MBNL1: variants seen among roughly 807,000 people sequenced by gnomAD.
MBNL1 encodes the protein muscleblind like splicing regulator 1.
A neutral mutation model predicts 42.2 loss-of-function variants in MBNL1; 8 were observed. The ratio of observed to expected loss-of-function variants is 0.19; its 90% CI spans 0.11 to 0.34. MBNL1 has a LOEUF of 0.34. Ranked by LOEUF, MBNL1 falls within the 10% of genes least tolerant of loss-of-function variation. The probability of loss-of-function intolerance (pLI) is 1.00; values close to 1 mark genes in which losing one functional copy is unlikely to be tolerated. For synonymous variants in MBNL1, 169 were observed against 173.9 expected, an observed-to-expected ratio of 0.97 and a Z score of 0.22; for missense variants, 309 against 495.3, an observed-to-expected ratio of 0.62 and a Z score of 3.57.
intron 4 of MBNL1, among the ~76,000 whole-genome samples, chr3:152,442,063 G>T (rs1197934180): frequency 1.3e-5 from 2 of 152,094 alleles, no homozygotes; most frequent in African/African-American, 2.4e-5. Context: ...AAAGTACTGG[G>T]ATTACCAGCT....
chr3:152,453,094 A>G (rs976004913), intron 6 of MBNL1, among the ~76,000 whole-genome samples: 6 of 151,946 alleles, frequency 3.9e-5, no homozygotes, highest in African/African-American at 1.2e-4. Context: ...TTGGATACCA[A>G]TTTTGAGAAT....
intron 2 of MBNL1, among the ~76,000 whole-genome samples, chr3:152,351,176 A>G (rs1302695672): frequency 6.6e-6 from 1 of 152,216 alleles, no homozygotes; most frequent in African/African-American, 2.4e-5. Context: ...TAGAAGTTGT[A>G]ACTATAATTC....
intron 1 of MBNL1, among the ~76,000 whole-genome samples, chr3:152,297,325 C>A: frequency 1.1e-5 from 1 of 92,776 alleles, no homozygotes; most frequent in Non-Finnish European, 2.2e-5. Flanking sequence ...CAAAATATTT[C>A]TTGAACACTG....
At chr3:152,443,910 T>G (rs898303134) in intron 4 of MBNL1, among the ~76,000 whole-genome samples, 11 of 152,152 alleles carry the variant, frequency 7.2e-5, no homozygotes, top group African/African-American at 2.7e-4. Context: ...TGCTCTTTTT[T>G]AAGATGTAGC....
rs2060115878 is a variant in MBNL1, at chr3:152,300,127, GCT to G, written c.-64_-63del. The G allele has an allele frequency of 2.0e-6, 2 of 993,860 alleles. No individual in the cohort carries two copies. The highest frequency in any genetic ancestry group is 2.9e-6 in the Non-Finnish European group (2 of 688,196). 61.6% of individuals were successfully genotyped at this position (993,860 alleles called of 1,614,324 possible). On this transcript the variant is annotated 5_prime_UTR_variant, in exon 2 of 10. Coordinates refer to ENST00000324210, the MANE Select transcript of MBNL1 (RefSeq NM_021038.5). ...GTTCAGCTTTTTTTTTTTGGTTGTT[GCT>G]CTTTTTTGGGGGGGTTGGGTTTGTT...
At chr3:152,343,850 A>G (rs1463282440) in intron 2 of MBNL1, among the ~76,000 whole-genome samples, 1 of 152,190 alleles carries the variant, frequency 6.6e-6, no homozygotes, top group Non-Finnish European at 1.5e-5. Flanking sequence ...ATACAGTGAA[A>G]AATAATATTT....
intron 2 of MBNL1, chr3:152,340,827 C>T (rs1460075588): frequency 1.2e-6 from 2 of 1,613,922 alleles, no homozygotes; most frequent in East Asian, 2.2e-5. Context: ...AACCACTGAT[C>T]CCACCTAAAG....
rs1748513067 is a variant in MBNL1 at position 152,463,327 on chromosome 3, TATAAC to T, written c.*964_*968del. The T allele has an allele frequency of 6.6e-6, 1 of 152,284 alleles. No homozygotes were observed. The highest frequency in any genetic ancestry group is 1.5e-5 in the Non-Finnish European group (1 of 67,894). 9.4% of individuals were successfully genotyped at this position (152,284 alleles called of 1,614,324 possible). A position where few individuals can be genotyped will look rare whatever the true frequency, so the allele number is the denominator to read the frequency against. On this transcript the variant is annotated 3_prime_UTR_variant, in exon 10 of 10. Transcript: ENST00000324210. ...TGTAATATTTATGCATACTATACTG[TATAAC>T]ATGTTATTCAAAAGGGATTGCCATT...
At chr3:152,355,502 C>T (rs1001531124) in intron 2 of MBNL1, among the ~76,000 whole-genome samples, 1 of 151,954 alleles carries the variant, frequency 6.6e-6, no homozygotes, top group African/African-American at 2.4e-5. Flanking sequence ...ATTTGGTAAT[C>T]CTGGAAATTG....
chr3:152,268,635 G>T, upstream of MBNL1: 1 of 410,776 alleles, frequency 2.4e-6, no homozygotes, highest in Non-Finnish European at 4.8e-6. Context: ...AGGCCGAGGG[G>T]ATCCACGGCG....
chr3:152,302,704 G>C (rs1430252181), intron 2 of MBNL1, among the ~76,000 whole-genome samples: 1 of 152,168 alleles, frequency 6.6e-6, no homozygotes, highest in African/African-American at 2.4e-5. Context: ...TTAACCGCTA[G>C]ATCATTTGCA....
In MBNL1 at chr3:152,299,822, C is replaced by T. The variant is rs138492087; in HGVS notation, c.-372C>T. The T allele has an allele frequency of 1.2e-5, 5 of 403,072 alleles. No homozygotes were observed. The highest frequency in any genetic ancestry group is 1.2e-4 in the South Asian group (1 of 8,448). 25.0% of individuals were successfully genotyped at this position (403,072 alleles called of 1,614,324 possible). On this transcript the variant is annotated 5_prime_UTR_variant, in exon 2 of 10. Transcript: ENST00000324210. ...TGAAAGCAGCTTGGAAATTCGGTGTCGAAGGGTCTGCCACGTTTTCATGCT... is the reference window on the plus strand; with the variant it reads ...TGAAAGCAGCTTGGAAATTCGGTGTTGAAGGGTCTGCCACGTTTTCATGCT...
chr3:152,264,512 A>G (rs1038124315), upstream of MBNL1: 3 of 150,564 alleles, frequency 2.0e-5, no homozygotes, highest in African/African-American at 7.3e-5. Context: ...GTCTTTAAGA[A>G]AAAAAAAAAG....
intron 2 of MBNL1, among the ~76,000 whole-genome samples, chr3:152,249,916 A>G (rs960474359): frequency 4.7e-5 from 7 of 148,560 alleles, no homozygotes; most frequent in Admixed American, 2.7e-4. Context: ...TTTGTCAAAG[A>G]TCAGATAGTT....
intron 2 of MBNL1, among the ~76,000 whole-genome samples, chr3:152,253,121 C>G (rs758540900): frequency 4.4e-4 from 67 of 152,110 alleles, no homozygotes; most frequent in Admixed American, 1.8e-3. Context: ...ATACTCCACA[C>G]AGATTATTAA....
intron 2 of MBNL1, among the ~76,000 whole-genome samples, chr3:152,371,254 T>A (rs187150044): frequency 6.6e-5 from 10 of 152,226 alleles, no homozygotes; most frequent in African/African-American, 2.4e-4. Context: ...CCTTCACTTA[T>A]GAAGCTTAGT....
chr3:152,362,334 C>A (rs1385611752), intron 2 of MBNL1, among the ~76,000 whole-genome samples: 1 of 152,100 alleles, frequency 6.6e-6, no homozygotes, highest in Non-Finnish European at 1.5e-5. Flanking sequence ...AGAGACAGCA[C>A]TAGTAGGGGT....
Position 152,457,774 on chromosome 3 carries a change from A to G in MBNL1, c.1092+1413A>G, listed in dbSNP as rs147155445. ...GATAAAGAACTCTCATGCGTCTACC[A>G]TGTATGACTGTAGAATTGCTGGTGT... is the stretch of plus-strand genomic sequence containing the variant. On this transcript the variant is annotated intron_variant, in intron 8 of 9. Coordinates refer to ENST00000324210, the MANE Select transcript of MBNL1 (RefSeq NM_021038.5). The G allele has an allele frequency of 7.4e-3, 1,671 of 227,326 alleles. 25 individuals carry two copies. Among genetic ancestry groups the G allele is most frequent in the African/African-American group, 0.034 (1,534 of 44,814 alleles). 14.1% of individuals were successfully genotyped at this position (227,326 alleles called of 1,614,324 possible).
chr3:152,440,609 C>G (rs1359606240), intron 4 of MBNL1, among the ~76,000 whole-genome samples: 2 of 152,118 alleles, frequency 1.3e-5, no homozygotes, highest in African/African-American at 4.8e-5. Flanking sequence ...GGGGACACAG[C>G]CAAACCATAT....
Sources: allele counts gnomAD v4.1 joint callset (sites outside exome capture counted in the v4.1 genomes callset), GRCh38; gene constraint gnomAD v4.1.1; transcripts MANE v1.5; gene names NCBI Gene and HGNC (gene_info 2026-07-23, HGNC 2026-07-21).